Variants in PSPC1 observed in about 807,000 individuals in gnomAD.
The protein encoded by PSPC1 is paraspeckle component 1.
In PSPC1, 14 loss-of-function variants were observed where a neutral mutation model predicts 51.6. That is an observed-to-expected ratio of 0.27 (90% CI 0.18 to 0.42). The LOEUF (loss-of-function observed/expected upper bound fraction) is 0.42. Among genes scored for constraint, PSPC1 ranks in the 10% least tolerant of loss-of-function variants. PSPC1 has a pLI of 1.00. For missense variants in PSPC1, 406 were observed against 701.1 expected (o/e 0.58, Z 4.75); for synonymous variants, 193 against 231.9 (o/e 0.83, Z 1.53).
chr13:19,778,356 T>G (rs1405889984), intron 1 of PSPC1, among the ~76,000 whole-genome samples: 5 of 53,102 alleles, frequency 9.4e-5, no homozygotes, highest in East Asian at 1.6e-3. Flanking sequence ...TATTAAGACC[T>G]CTCCCTCTCC....
At chr13:19,770,279 G>A (rs796468897) in intron 2 of PSPC1, among the ~76,000 whole-genome samples, 5 of 152,104 alleles carry the variant, frequency 3.3e-5, no homozygotes, top group Non-Finnish European at 7.4e-5. Context: ...ACTGTAAAAG[G>A]GCACAAGGGA....
intron 6 of PSPC1, among the ~76,000 whole-genome samples, chr13:19,686,360 C>A (rs1235907332): frequency 6.6e-6 from 1 of 152,124 alleles, no homozygotes; most frequent in East Asian, 1.9e-4. Flanking sequence ...AGACTTACAA[C>A]CATCCACAGT....
chr13:19,712,326 C>T (rs1197678259), intron 6 of PSPC1, among the ~76,000 whole-genome samples: 1 of 152,138 alleles, frequency 6.6e-6, no homozygotes, highest in Non-Finnish European at 1.5e-5. Flanking sequence ...TTTTCAACTA[C>T]CCCTTATATA....
intron 4 of PSPC1, among the ~76,000 whole-genome samples, chr13:19,744,062 C>T (rs1489031310): frequency 1.3e-5 from 2 of 152,144 alleles, no homozygotes; most frequent in East Asian, 3.8e-4. Context: ...GGGCTGAGGT[C>T]ACACCATTGC....
intron 4 of PSPC1, among the ~76,000 whole-genome samples, chr13:19,748,080 G>C (rs774202229): frequency 1.3e-5 from 2 of 152,164 alleles, no homozygotes; most frequent in African/African-American, 2.4e-5. Flanking sequence ...GGGCGTGGTG[G>C]TGTACACCTG....
intron 6 of PSPC1, among the ~76,000 whole-genome samples, chr13:19,718,382 T>C (rs1337098000): frequency 2.6e-5 from 4 of 152,150 alleles, no homozygotes; most frequent in South Asian, 2.1e-4. Flanking sequence ...TCGTATGCCA[T>C]TGATAGAATT....
At chr13:19,705,381 T>A (rs1880516747) in intron 8 of PSPC1, among the ~76,000 whole-genome samples, 1 of 152,024 alleles carries the variant, frequency 6.6e-6, no homozygotes, top group African/African-American at 2.4e-5. Flanking sequence ...TAGCCCCAAC[T>A]ACTCGGGAGG....
At chr13:19,672,498 TAAAAAAAAAAAA>T (rs58492348), downstream of PSPC1, 1 of 128,104 alleles carries the variant, frequency 7.8e-6, no homozygotes, top group Admixed American at 8.1e-5. Context: ...CTTCTGTGCT[TAAAAAAAAAAAA>T]AAAAAAAGGA....
chr13:19,757,912 T>C (rs1225752406), intron 3 of PSPC1, among the ~76,000 whole-genome samples: 1 of 152,190 alleles, frequency 6.6e-6, no homozygotes, highest in Non-Finnish European at 1.5e-5. Flanking sequence ...GGAATGGGAC[T>C]GTGAGGCCAT....
downstream of PSPC1, among the ~76,000 whole-genome samples, chr13:19,702,048 C>T (rs1314964765): frequency 1.3e-5 from 2 of 152,128 alleles, no homozygotes; most frequent in Admixed American, 1.3e-4. Context: ...ATGACTCTAG[C>T]CATTCTCAAG....
intron 4 of PSPC1, among the ~76,000 whole-genome samples, chr13:19,747,640 T>C (rs1886130741): frequency 1.3e-5 from 2 of 152,216 alleles, no homozygotes; most frequent in African/African-American, 2.4e-5. Context: ...CAGTTTGTTT[T>C]GTTGTTACGA....
At chr13:19,686,560 AGAG>A (rs1335317109) in intron 6 of PSPC1, among the ~76,000 whole-genome samples, 1 of 152,232 alleles carries the variant, frequency 6.6e-6, no homozygotes, top group Non-Finnish European at 1.5e-5. Flanking sequence ...GCCCCTGGAT[AGAG>A]AAGTTGGATG....
intron 6 of PSPC1, among the ~76,000 whole-genome samples, chr13:19,688,475 A>C (rs1878185116): frequency 6.6e-6 from 1 of 152,214 alleles, no homozygotes; most frequent in African/African-American, 2.4e-5. Context: ...GTAAAGTCCA[A>C]GTTGACTGCT....
intron 5 of PSPC1, among the ~76,000 whole-genome samples, chr13:19,736,594 A>T (rs892781656): frequency 4.6e-5 from 7 of 152,140 alleles, no homozygotes; most frequent in African/African-American, 1.7e-4. Flanking sequence ...GAGGCAGGAG[A>T]ATGGCATGAA....
intron 2 of PSPC1, among the ~76,000 whole-genome samples, chr13:19,760,528 C>CAA (rs1392875108): frequency 3.7e-5 from 4 of 109,050 alleles, no homozygotes; most frequent in Non-Finnish European, 5.9e-5. Context: ...ACTCTGTCAC[C>CAA]AAAAAAAAAA....
chr13:19,709,269 T>C (rs1215068379), intron 7 of PSPC1, among the ~76,000 whole-genome samples: 2 of 152,176 alleles, frequency 1.3e-5, no homozygotes, highest in Non-Finnish European at 2.9e-5. Flanking sequence ...TCAGGCTGTA[T>C]TGCAACCTGG....
At chr13:19,736,449 C>G (rs376478959) in intron 5 of PSPC1, among the ~76,000 whole-genome samples, 4 of 151,910 alleles carry the variant, frequency 2.6e-5, no homozygotes, top group Non-Finnish European at 5.9e-5. Context: ...TTTGGGAGGC[C>G]GAGGCGGGCG....
intron 4 of PSPC1, among the ~76,000 whole-genome samples, chr13:19,746,581 C>T (rs537607216): frequency 2.6e-5 from 4 of 151,102 alleles, no homozygotes; most frequent in Admixed American, 2.6e-4. Context: ...AAAAATTAGC[C>T]GGGTATGGTG....
chr13:19,768,671 T>C lies in PSPC1; in HGVS notation c.674+3571A>G, dbSNP rs959258588. ...TCAAATAAAAGAAAAGAAAAAAAAATGAATAAGGGGGACATCTAAAAAAAT... is the reference window on the plus strand; with the variant it reads ...TCAAATAAAAGAAAAGAAAAAAAAACGAATAAGGGGGACATCTAAAAAAAT... On this transcript the variant is annotated intron_variant, in intron 2 of 8. Transcript: ENST00000338910. Among the ~76,000 whole-genome samples the C allele has an allele frequency of 1.1e-4, 17 of 147,910 alleles. 2 individuals carry two copies. Among genetic ancestry groups the C allele is most frequent in the African/African-American group, 4.0e-4 (16 of 39,650 alleles).
Sources: gnomAD v4.1 joint callset for allele counts (sites outside exome capture counted in the v4.1 genomes callset) on GRCh38, gnomAD v4.1.1 for gene constraint, MANE v1.5 for transcripts, NCBI Gene and HGNC (gene_info 2026-07-23, HGNC 2026-07-21) for gene names.